LRP1B: variants seen among roughly 807,000 people sequenced by gnomAD.
LRP1B encodes the protein LDL receptor related protein 1B, also known as low-density lipoprotein receptor-related protein 1B.
In LRP1B, 217 loss-of-function variants were observed where a neutral mutation model predicts 556.6. The ratio of observed to expected loss-of-function variants is 0.39; its 90% CI spans 0.35 to 0.44. The LOEUF (loss-of-function observed/expected upper bound fraction) is 0.44, where lower values mean the gene tolerates loss of function less well. Among genes scored for constraint, LRP1B ranks in the 20% least tolerant of loss-of-function variants. LRP1B has a pLI of 1.00. For synonymous variants in LRP1B, 2,047 were observed against 1,865.8 expected (o/e 1.10, Z -2.50); for missense variants, 5,053 against 5,620.8 (o/e 0.90, Z 3.23).
chr2:141,029,057 T>C (rs1698294361), intron 11 of LRP1B, among the ~76,000 whole-genome samples: 1 of 151,960 alleles, frequency 6.6e-6, no homozygotes, highest in Non-Finnish European at 1.5e-5. Flanking sequence ...AAGAGAGGCA[T>C]GGGGGCATCT....
intron 84 of LRP1B, among the ~76,000 whole-genome samples, chr2:140,281,679 TCACA>T (rs1317263263): frequency 6.6e-6 from 1 of 151,842 alleles, no homozygotes; most frequent in Non-Finnish European, 1.5e-5. Flanking sequence ...AAGGCTGCAT[TCACA>T]CACACAAACC....
At chr2:141,069,155 T>C (rs1408711416) in intron 7 of LRP1B, among the ~76,000 whole-genome samples, 1 of 151,998 alleles carries the variant, frequency 6.6e-6, no homozygotes, top group Non-Finnish European at 1.5e-5. Flanking sequence ...ACAAATGCAG[T>C]CCATCCTTAT....
Position 141,062,123 on chromosome 2 carries a change from A to G in LRP1B, c.1164T>C (p.Asp388=). The change falls in exon 8 of 91, where the codon GAT becomes GAC. Residue 388 remains aspartate (D), a synonymous_variant. Transcript: ENST00000389484. ...DLVNKLVYWV[D]LYLDYVGVVD... The stretch of plus-strand genomic sequence containing the variant: ...CTACTCCCACATAGTCCAAGTAAAG[A>G]TCTACCCAGTAAACCAATTTGTTGA... 6.2e-7 allele frequency: 1 copy of G among 1,612,116 alleles called. No individual in the cohort carries two copies. Among genetic ancestry groups the G allele is most frequent in the Non-Finnish European group, 8.5e-7 (1 of 1,178,738 alleles).
chr2:140,342,011 C>G (rs1249864880), intron 77 of LRP1B, among the ~76,000 whole-genome samples: 8 of 151,252 alleles, frequency 5.3e-5, no homozygotes, highest in African/African-American at 1.7e-4. Flanking sequence ...ATCTAAAAAA[C>G]CACGACGAGA....
rs779290863 is a variant in LRP1B, at chr2:141,810,295, G to A, written c.189C>T (p.Asp63=). 34 of 1,612,910 alleles carry A rather than the reference G, an allele frequency of 2.1e-5. No homozygotes were observed. Among genetic ancestry groups the A allele is most frequent in the Non-Finnish European group, 2.7e-5 (32 of 1,179,386 alleles). The change falls in exon 2 of 91, where the codon GAC becomes GAT. Residue 63 remains aspartate, a synonymous_variant. Transcript: ENST00000389484. ...DGDPDCPDDS[D]ESLDTCPEEV... ...TCTACTCACAGGTATCTAAAGACTC[G>A]TCTGAATCATCAGGGCAGTCAGGGT...
At chr2:141,423,966 A>G (rs891698908) in intron 3 of LRP1B, among the ~76,000 whole-genome samples, 1 of 152,160 alleles carries the variant, frequency 6.6e-6, no homozygotes, top group Non-Finnish European at 1.5e-5. Context: ...TAACTTAAAC[A>G]TATCACCTCT....
At chr2:142,081,666 A>AC (rs1270614786) in intron 1 of LRP1B, among the ~76,000 whole-genome samples, 1 of 152,136 alleles carries the variant, frequency 6.6e-6, no homozygotes, top group Admixed American at 6.6e-5. Context: ...TATTTTAGGG[A>AC]CTGGTTCTCG....
At chr2:140,569,660 C>T (rs752043088) in intron 43 of LRP1B, among the ~76,000 whole-genome samples, 17 of 151,840 alleles carry the variant, frequency 1.1e-4, no homozygotes, top group Non-Finnish European at 2.1e-4. Flanking sequence ...AATAAGGAAA[C>T]ATTGGATTTA....
At chr2:142,049,637 T>A (rs1704377277) in intron 1 of LRP1B, among the ~76,000 whole-genome samples, 1 of 152,108 alleles carries the variant, frequency 6.6e-6, no homozygotes, top group Admixed American at 6.6e-5. Flanking sequence ...ACGATTCCCA[T>A]GACTGCCCAA....
In LRP1B at chr2:141,034,543, G is replaced by A. The variant is rs536506547; in HGVS notation, c.1790-14441C>T. Reference sequence around the variant, plus strand: ...AAACAAACCCCATCAAAAAGTGGGCGAAGGATATGAACAGACACTTCTTAA... The same window carrying A: ...AAACAAACCCCATCAAAAAGTGGGCAAAGGATATGAACAGACACTTCTTAA... On this transcript the variant is annotated intron_variant, in intron 11 of 90. Coordinates refer to ENST00000389484, the MANE Select transcript of LRP1B (RefSeq NM_018557.3). 2.5e-3 allele frequency among the ~76,000 whole-genome samples: 385 copies of A among 152,108 alleles called. 4 individuals carry two copies. The highest frequency in any genetic ancestry group is 8.6e-3 in the African/African-American group (355 of 41,436).
Position 141,015,724 on chromosome 2 carries a change from T to C in LRP1B, c.2162A>G (p.Lys721Arg), listed in dbSNP as rs1697881642. The change falls in exon 13 of 91, where the codon AAA becomes AGA. Residue 721 changes from lysine (K) to arginine (R), a missense_variant. By Grantham distance (26) the Lys-to-Arg change is conservative. This residue lies in a region of LRP1B where 3,619 missense variants were observed against 3,931.9 expected (regional missense o/e 0.92). Transcript: ENST00000389484. ...WCDAYYDHIE[K>R]VFLNGTHRKI... ...CCTGTGAGTCCCATTCAAAAATACT[T>C]TTTCAATATGATCGTAATAGGCATC... The C allele has an allele frequency of 6.2e-7, 1 of 1,612,994 alleles. No individual in the cohort carries two copies. The highest frequency in any genetic ancestry group is 1.3e-5 in the African/African-American group (1 of 74,884).
intron 2 of LRP1B, among the ~76,000 whole-genome samples, chr2:141,642,452 A>C (rs1689370948): frequency 6.6e-6 from 1 of 152,246 alleles, no homozygotes; most frequent in South Asian, 2.1e-4. Flanking sequence ...AAAGTAAAAC[A>C]TAAAGGCAAG....
At chr2:141,771,759 GTTC>G (rs1694906202) in intron 2 of LRP1B, among the ~76,000 whole-genome samples, 1 of 152,076 alleles carries the variant, frequency 6.6e-6, no homozygotes, top group South Asian at 2.1e-4. Context: ...AGGAATTGGT[GTTC>G]TTATATTGAG....
chr2:141,834,672 C>A (rs1697211248), intron 1 of LRP1B, among the ~76,000 whole-genome samples: 1 of 151,816 alleles, frequency 6.6e-6, no homozygotes, highest in African/African-American at 2.4e-5. Flanking sequence ...GTGGACAGGG[C>A]CACTATGGTG....
intron 7 of LRP1B, among the ~76,000 whole-genome samples, chr2:141,153,110 A>G (rs2105088433): frequency 6.7e-6 from 1 of 148,480 alleles, no homozygotes; most frequent in African/African-American, 2.5e-5. Flanking sequence ...AAAGATCCAC[A>G]CTTATTTAAA....
rs1695788627 is a variant in LRP1B, at chr2:141,795,860, ATATATATATATATATAT to A, written c.205+14402_205+14418del. On this transcript the variant is annotated intron_variant, in intron 2 of 90. Transcript: ENST00000389484. ...ATAGAGAATGAAAACCAGGAGCAAT[ATATATATATATATATAT>A]ATATATATATATATATATATATAAT... 6.9e-4 allele frequency among the ~76,000 whole-genome samples: 48 copies of A among 69,344 alleles called. 3 individuals are homozygous for A. Among genetic ancestry groups the A allele is most frequent in the East Asian group, 4.4e-3 (6 of 1,378 alleles). The allele number at this position is 69,344 out of a possible 152,430, so 45.5% of individuals were successfully genotyped here. A position where few individuals can be genotyped will look rare whatever the true frequency, so the allele number is the denominator to read the frequency against.
intron 23 of LRP1B, among the ~76,000 whole-genome samples, chr2:140,898,189 A>G (rs896540801): frequency 6.6e-6 from 1 of 152,138 alleles, no homozygotes; most frequent in Non-Finnish European, 1.5e-5. Flanking sequence ...TTGTCCAATC[A>G]TATTTCTACA....
At position 140,871,131 on chromosome 2, in the gene LRP1B, G is replaced by A. The variant is rs77558336; in HGVS notation, c.4170-2868C>T. ...TCAATATTAAATAGTGGTAGTGTGT[G>A]CTTTTGTGTAAAACAAACTTGGATC... On this transcript the variant is annotated intron_variant, in intron 25 of 90. Transcript: ENST00000389484. Among the ~76,000 whole-genome samples, 578 of 152,226 alleles carry A rather than the reference G, an allele frequency of 3.8e-3. 5 individuals are homozygous for A. Among genetic ancestry groups the A allele is most frequent in the Middle Eastern group, 3.4e-3 (1 of 292 alleles).
chr2:140,757,515 GA>G (rs922265024), intron 35 of LRP1B, among the ~76,000 whole-genome samples: 2 of 152,190 alleles, frequency 1.3e-5, no homozygotes, highest in African/African-American at 4.8e-5. Context: ...CTAAGTGAAA[GA>G]AGCCAGTCAC....
Sources: gnomAD v4.1 joint callset for allele counts (sites outside exome capture counted in the v4.1 genomes callset) on GRCh38, gnomAD v4.1.1 for gene constraint, gnomAD v4.1.1 regional missense constraint, MANE v1.5 for transcripts, NCBI Gene and HGNC (gene_info 2026-07-23, HGNC 2026-07-21) for gene names.